COA6: variants seen among roughly 807,000 people sequenced by gnomAD.
The protein encoded by COA6 is cytochrome c oxidase assembly factor 6.
COA6 carries 12 observed loss-of-function variants against 17.1 expected under a neutral mutation model. The observed-to-expected ratio is 0.70, with a 90% confidence interval of 0.45 to 1.14. The LOEUF (loss-of-function observed/expected upper bound fraction) is 1.14, where lower values mean the gene tolerates loss of function less well. COA6 is among the 50% of genes most tolerant of loss of function. The pLI, the probability that COA6 is intolerant of heterozygous loss-of-function variation, is 0.00. For synonymous variants in COA6, 90 were observed against 73.4 expected (o/e 1.23, Z -1.16); for missense variants, 246 against 196.5 (o/e 1.25, Z -1.51).
chr1:234,379,106 C>T (rs1373892415), intron 2 of COA6, among the ~76,000 whole-genome samples: 1 of 150,482 alleles, frequency 6.6e-6, no homozygotes, highest in Non-Finnish European at 1.5e-5. Context: ...TCTTGAACTC[C>T]TGGACTCAAG....
chr1:234,377,098 GAGA>G, intron 2 of COA6, among the ~76,000 whole-genome samples: 2 of 49,368 alleles, frequency 4.1e-5, no homozygotes, highest in African/African-American at 1.9e-4. Flanking sequence ...GAGAGAGAGA[GAGA>G]TCCAGTCTCT....
In COA6 at chr1:234,374,408, TGTTTCTCTTCCCTGTTAAGATACATC is replaced by T. The variant is rs1477223256; in HGVS notation, c.372+21_372+46del. Reference sequence around the variant, plus strand: ...ACAGTGGGTAAGTCACACTTTGATGTGTTTCTCTTCCCTGTTAAGATACATCGAGCTTATACTGTGAGTGGTAGGCT... The same window carrying T: ...ACAGTGGGTAAGTCACACTTTGATGTGAGCTTATACTGTGAGTGGTAGGCT... On this transcript the variant is annotated intron_variant, in intron 2 of 2. Coordinates refer to ENST00000366615, the MANE Select transcript of COA6 (RefSeq NM_001206641.3). 6.2e-7 allele frequency: 1 copy of T among 1,613,344 alleles called. No individual in the cohort carries two copies. Among genetic ancestry groups the T allele is most frequent in the African/African-American group, 1.3e-5 (1 of 75,012 alleles).
intron 2 of COA6, among the ~76,000 whole-genome samples, chr1:234,375,159 G>A (rs1658756679): frequency 6.6e-6 from 1 of 151,308 alleles, no homozygotes; most frequent in Non-Finnish European, 1.5e-5. Context: ...AAAATAGCTG[G>A]GCATGGTGGC....
At position 234,379,203 on chromosome 1, in the gene COA6, T is replaced by C. The variant is rs959966739; in HGVS notation, c.373-4520T>C. 9.8e-4 allele frequency among the ~76,000 whole-genome samples: 149 copies of C among 151,886 alleles called. 2 individuals are homozygous for C. Among genetic ancestry groups the C allele is most frequent in the African/African-American group, 3.4e-3 (141 of 41,400 alleles). On this transcript the variant is annotated intron_variant, in intron 2 of 2. Coordinates refer to ENST00000366615, the MANE Select transcript of COA6 (RefSeq NM_001206641.3). ...CCATGGTTGGTGCTTTTACTCTTAG[T>C]AATACAGGAAGCTATTGGAGAGCTT...
intron 2 of COA6, among the ~76,000 whole-genome samples, chr1:234,375,926 G>A (rs1658776874): frequency 6.6e-6 from 1 of 152,160 alleles, no homozygotes; most frequent in Admixed American, 6.5e-5. Flanking sequence ...AAAGCACTGG[G>A]ATTAACAGGC....
intron 2 of COA6, among the ~76,000 whole-genome samples, chr1:234,380,204 C>G (rs529122956): frequency 1.3e-5 from 2 of 152,308 alleles, no homozygotes; most frequent in African/African-American, 2.4e-5. Flanking sequence ...TTGTCAAAGT[C>G]CTACTCAATT....
rs1445636236 is a variant in COA6 at position 234,374,223 on chromosome 1, C to G, written c.213-7C>G. The G allele has an allele frequency of 1.9e-6, 3 of 1,604,520 alleles. No individual in the cohort carries two copies. The highest frequency in any genetic ancestry group is 1.7e-6 in the Non-Finnish European group (2 of 1,177,246). On this transcript the variant is annotated splice_polypyrimidine_tract_variant and splice_region_variant and intron_variant, in intron 1 of 2. Coordinates refer to ENST00000366615, the MANE Select transcript of COA6 (RefSeq NM_001206641.3). ...TTGTTAATCTCAAATATTATTTTGGCCAACAGCTTCATCGCAGTAGGAATG... is the reference window on the plus strand; with the variant it reads ...TTGTTAATCTCAAATATTATTTTGGGCAACAGCTTCATCGCAGTAGGAATG...
chr1:234,381,411 G>T (rs1025465654), intron 2 of COA6, among the ~76,000 whole-genome samples: 6 of 152,184 alleles, frequency 3.9e-5, no homozygotes, highest in African/African-American at 1.4e-4. Flanking sequence ...GAATCAAGAC[G>T]CGCAGGAAAT....
At chr1:234,380,956 C>T (rs564101137) in intron 2 of COA6, among the ~76,000 whole-genome samples, 6 of 152,294 alleles carry the variant, frequency 3.9e-5, no homozygotes, top group African/African-American at 7.2e-5. Context: ...GCCAAGATCA[C>T]GCCACTGCAC....
intron 2 of COA6, among the ~76,000 whole-genome samples, chr1:234,383,009 G>T (rs936041979): frequency 1.3e-4 from 9 of 69,976 alleles, no homozygotes; most frequent in Non-Finnish European, 1.9e-4. Flanking sequence ...TCTCTGTCAA[G>T]AAAGAAAGAG....
intron 2 of COA6, among the ~76,000 whole-genome samples, chr1:234,377,059 C>CGAGAGAGAGAGAGAGAGAGAGAGAGA (rs71170479): frequency 2.4e-5 from 2 of 82,640 alleles, no homozygotes; most frequent in Non-Finnish European, 4.7e-5. Context: ...GCTGTGTTGC[C>CGAGAGAGAGAGAGAGAGAGAGAGAGA]GAGAGAGAGA....
chr1:234,384,017 G>GA lies in COA6; in HGVS notation c.*206dup, dbSNP rs1558127261. On this transcript the variant is annotated 3_prime_UTR_variant, in exon 3 of 3. Coordinates refer to ENST00000366615, the MANE Select transcript of COA6 (RefSeq NM_001206641.3). Reference sequence around the variant, plus strand: ...ATTTAGTAAGAAATCTCTATTTTAAGAAAAAAAGTAAAACCTGTTATAAAC... The same window carrying GA: ...ATTTAGTAAGAAATCTCTATTTTAAGAAAAAAAAGTAAAACCTGTTATAAAC... 2 of 428,336 alleles carry GA rather than the reference G, an allele frequency of 4.7e-6. No homozygotes were observed. The highest frequency in any genetic ancestry group is 6.7e-5 in the South Asian group (1 of 14,848). 26.5% of individuals were successfully genotyped at this position (428,336 alleles called of 1,614,324 possible).
chr1:234,378,152 A>C (rs1658864815), intron 2 of COA6, among the ~76,000 whole-genome samples: 1 of 152,200 alleles, frequency 6.6e-6, no homozygotes. Flanking sequence ...AAGAACACAT[A>C]ACCTGCCCAT....
At chr1:234,378,401 A>T (rs547437926) in intron 2 of COA6, among the ~76,000 whole-genome samples, 1 of 152,338 alleles carries the variant, frequency 6.6e-6, no homozygotes, top group Admixed American at 6.5e-5. Flanking sequence ...AAAGGATGTT[A>T]TATGGTGATA....
At chr1:234,381,669 C>G (rs1638302574) in intron 2 of COA6, among the ~76,000 whole-genome samples, 1 of 152,102 alleles carries the variant, frequency 6.6e-6, no homozygotes, top group Non-Finnish European at 1.5e-5. Flanking sequence ...AATAGAGAAG[C>G]CAGTGAAAGA....
intron 2 of COA6, among the ~76,000 whole-genome samples, chr1:234,377,230 A>G (rs866473771): frequency 4.0e-5 from 6 of 151,426 alleles, no homozygotes; most frequent in South Asian, 2.1e-4. Context: ...AGGTTCAAGC[A>G]GTTCTCCTGC....
At chr1:234,374,024 A>G in intron 1 of COA6, 1 of 938,964 alleles carries the variant, frequency 1.1e-6, no homozygotes, top group Non-Finnish European at 1.5e-6. Flanking sequence ...GATAAGCCTC[A>G]AGAGCGGGTG....
At chr1:234,383,575 C>T (rs1659044385) in intron 2 of COA6, 148 bp from the exon 3 acceptor site, 1 of 351,020 alleles carries the variant, frequency 2.8e-6, no homozygotes, top group East Asian at 5.2e-5. Context: ...TTACAGCTGA[C>T]ACACACACAC....
chr1:234,382,448 G>A (rs974580779), intron 2 of COA6, among the ~76,000 whole-genome samples: 5 of 152,206 alleles, frequency 3.3e-5, no homozygotes, highest in African/African-American at 1.2e-4. Flanking sequence ...TAAGAAAGCA[G>A]TAATCACTCA....
Sources: gnomAD v4.1 joint callset for allele counts (sites outside exome capture counted in the v4.1 genomes callset) on GRCh38, gnomAD v4.1.1 for gene constraint, MANE v1.5 for transcripts, NCBI Gene and HGNC (gene_info 2026-07-23, HGNC 2026-07-21) for gene names.